Variants in ELF2 observed in about 807,000 individuals in gnomAD.
ELF2 encodes the protein ETS-related transcription factor Elf-2.
Under a neutral mutation model 54.8 loss-of-function variants are expected in ELF2, and 11 were observed. The ratio of observed to expected loss-of-function variants is 0.20; its 90% CI spans 0.13 to 0.33. ELF2 has a LOEUF of 0.33. Ranked by LOEUF, ELF2 falls within the 10% of genes least tolerant of loss-of-function variation. The pLI, the probability that ELF2 is intolerant of heterozygous loss-of-function variation, is 1.00. For synonymous variants in ELF2, 203 were observed against 245.1 expected (o/e 0.83, Z 1.61); for missense variants, 513 against 703.0 (o/e 0.73, Z 3.06).
At chr4:139,147,454 C>T (rs1243187571) in intron 1 of ELF2, among the ~76,000 whole-genome samples, 1 of 152,162 alleles carries the variant, frequency 6.6e-6, no homozygotes, top group Non-Finnish European at 1.5e-5. Flanking sequence ...ATTAGTGCAA[C>T]CTCTATGCAA....
intron 3 of ELF2, among the ~76,000 whole-genome samples, chr4:139,128,040 C>G (rs1737107277): frequency 6.6e-6 from 1 of 151,360 alleles, no homozygotes; most frequent in Non-Finnish European, 1.5e-5. Flanking sequence ...GAGGCCAAGG[C>G]AGGAGGACTG....
intron 6 of ELF2, among the ~76,000 whole-genome samples, chr4:139,071,525 G>GT (rs1729510997): frequency 6.6e-6 from 1 of 151,852 alleles, no homozygotes; most frequent in African/African-American, 2.4e-5. Context: ...GTGTGTGTGT[G>GT]TTTTTTTAAG....
chr4:139,066,235 T>C (rs1728690134), intron 7 of ELF2: 1 of 151,982 alleles, frequency 6.6e-6, no homozygotes, highest in Non-Finnish European at 1.5e-5. Context: ...GTGATAAATT[T>C]TCGGTTATCA....
chr4:139,075,574 C>A (rs1230300221), intron 4 of ELF2, among the ~76,000 whole-genome samples: 1 of 152,148 alleles, frequency 6.6e-6, no homozygotes, highest in Non-Finnish European at 1.5e-5. Context: ...GGATTACAGG[C>A]ACATGCCACC....
intron 1 of ELF2, among the ~76,000 whole-genome samples, chr4:139,172,302 C>A (rs1232186100): frequency 3.9e-5 from 6 of 152,186 alleles, no homozygotes; most frequent in Non-Finnish European, 8.8e-5. Context: ...TACCCACAGT[C>A]AAACATGGTC....
At chr4:139,068,034 T>TA (rs1236560110) in intron 6 of ELF2, among the ~76,000 whole-genome samples, 1 of 148,282 alleles carries the variant, frequency 6.7e-6, no homozygotes, top group Non-Finnish European at 1.5e-5. Context: ...TTGCCAATCT[T>TA]TTTTTTTTTT....
rs150989782 is a variant in ELF2, at chr4:139,057,984, G to A, written c.*999C>T. The stretch of plus-strand genomic sequence containing the variant: ...TATTATAGTTCAAAACTGAACACTG[G>A]TATTTCCCTCATAAACTTCAACTAA... On this transcript the variant is annotated 3_prime_UTR_variant, in exon 10 of 10. Transcript: ENST00000686138. 3.3e-5 allele frequency: 5 copies of A among 152,116 alleles called. No individual in the cohort carries two copies. The highest frequency in any genetic ancestry group is 1.2e-4 in the African/African-American group (5 of 41,264). The allele number at this position is 152,116 out of a possible 1,614,324, so 9.4% of individuals were successfully genotyped here. A position where few individuals can be genotyped will look rare whatever the true frequency, so the allele number is the denominator to read the frequency against.
intron 6 of ELF2, among the ~76,000 whole-genome samples, chr4:139,068,024 T>C (rs956652368): frequency 6.6e-6 from 1 of 152,042 alleles, no homozygotes; most frequent in African/African-American, 2.4e-5. Flanking sequence ...GAGCCTTGAT[T>C]TGCCAATCTT....
At chr4:139,076,572 C>T (rs887342073) in intron 4 of ELF2, among the ~76,000 whole-genome samples, 1 of 152,014 alleles carries the variant, frequency 6.6e-6, no homozygotes, top group Admixed American at 6.6e-5. Context: ...CAAACTAATT[C>T]CTTATGTAAT....
At chr4:139,067,491 T>C (rs889160798) in intron 7 of ELF2, 193 bp downstream of exon 7, 1 of 540,084 alleles carries the variant, frequency 1.9e-6, no homozygotes, top group Non-Finnish European at 3.3e-6. Flanking sequence ...AGAATCTCTG[T>C]GGTGTAGGAA....
intron 4 of ELF2, among the ~76,000 whole-genome samples, chr4:139,092,825 TAATA>T (rs1732818965): frequency 6.6e-6 from 1 of 151,402 alleles, no homozygotes; most frequent in African/African-American, 2.4e-5. Flanking sequence ...ATAAAAATAA[TAATA>T]ATTAAAAAAT....
chr4:139,113,748 A>G (rs536018487), intron 4 of ELF2, among the ~76,000 whole-genome samples: 1 of 149,368 alleles, frequency 6.7e-6, no homozygotes, highest in Non-Finnish European at 1.5e-5. Flanking sequence ...CCAGCTACTC[A>G]GGATGCTGAG....
At chr4:139,141,108 C>G (rs572784074) in intron 1 of ELF2, among the ~76,000 whole-genome samples, 1 of 152,174 alleles carries the variant, frequency 6.6e-6, no homozygotes, top group Non-Finnish European at 1.5e-5. Flanking sequence ...TTCCCCCTTG[C>G]AGGCTCAACC....
At chr4:139,118,770 A>G (rs565402296) in intron 4 of ELF2, among the ~76,000 whole-genome samples, 2 of 152,352 alleles carry the variant, frequency 1.3e-5, no homozygotes, top group African/African-American at 2.4e-5. Context: ...CTAATGTATA[A>G]AAGTCCTGTC....
chr4:139,159,899 C>T (rs907645966), intron 1 of ELF2, among the ~76,000 whole-genome samples: 5 of 152,134 alleles, frequency 3.3e-5, no homozygotes, highest in East Asian at 1.9e-4. Context: ...ATATGGAAGG[C>T]GTATTTAGAG....
At chr4:139,107,009 G>A (rs1734486099) in intron 4 of ELF2, among the ~76,000 whole-genome samples, 1 of 151,882 alleles carries the variant, frequency 6.6e-6, no homozygotes, top group Non-Finnish European at 1.5e-5. Flanking sequence ...GCCTCCCAAA[G>A]TGCTGGGATT....
At position 139,067,890 on chromosome 4, in the gene ELF2, T is replaced by C. The variant is rs926741802; in HGVS notation, c.527-120A>G. Reference sequence around the variant, plus strand: ...ATGGATACTAATTTGTAGATGAATATACTCTATGAAAAGCTGCTTCTAAAA... The same window carrying C: ...ATGGATACTAATTTGTAGATGAATACACTCTATGAAAAGCTGCTTCTAAAA... On this transcript the variant is annotated intron_variant, in intron 6 of 9. Coordinates refer to ENST00000686138, the MANE Select transcript of ELF2 (RefSeq NM_001331036.3). The C allele has an allele frequency of 9.5e-6, 9 of 942,706 alleles. No homozygotes were observed. The African/African-American group carries it at 1.5e-4, about 15-fold the overall frequency. The allele number at this position is 942,706 out of a possible 1,614,324, so 58.4% of individuals were successfully genotyped here.
At chr4:139,138,156 G>A (rs889020782) in intron 2 of ELF2, among the ~76,000 whole-genome samples, 11 of 152,108 alleles carry the variant, frequency 7.2e-5, no homozygotes, top group African/African-American at 2.4e-4. Context: ...GGTGGCTCAC[G>A]CCTGTATATT....
At chr4:139,091,746 T>C (rs769273407) in intron 4 of ELF2, among the ~76,000 whole-genome samples, 14 of 152,184 alleles carry the variant, frequency 9.2e-5, no homozygotes, top group Admixed American at 2.6e-4. Flanking sequence ...TCCCACAGTG[T>C]TGGGACTACA....
Sources: allele counts gnomAD v4.1 joint callset (sites outside exome capture counted in the v4.1 genomes callset), GRCh38; gene constraint gnomAD v4.1.1; transcripts MANE v1.5; gene names NCBI Gene and HGNC (gene_info 2026-07-23, HGNC 2026-07-21).